RCAN2: variants seen among roughly 807,000 people sequenced by gnomAD.
The protein encoded by RCAN2 is calcipressin-2.
In RCAN2, 9 loss-of-function variants were observed where a neutral mutation model predicts 23.6. The ratio of observed to expected loss-of-function variants is 0.38; its 90% CI spans 0.23 to 0.67. The LOEUF is 0.67. Ranked by LOEUF, RCAN2 falls within the 30% of genes least tolerant of loss-of-function variation. RCAN2 has a pLI of 0.51. For synonymous variants in RCAN2, 109 were observed against 115.7 expected (o/e 0.94, Z 0.37); for missense variants, 273 against 302.3 (o/e 0.90, Z 0.72).
chr6:46,472,573 G>A (rs1327548579), intron 1 of RCAN2, among the ~76,000 whole-genome samples: 2 of 152,078 alleles, frequency 1.3e-5, no homozygotes, highest in Non-Finnish European at 1.5e-5. Context: ...CCCCCATGAT[G>A]CTGTCTTTCT....
At chr6:46,349,325 A>G (rs1321189087) in intron 2 of RCAN2, among the ~76,000 whole-genome samples, 1 of 152,142 alleles carries the variant, frequency 6.6e-6, no homozygotes, top group Non-Finnish European at 1.5e-5. Flanking sequence ...AAACCACCGC[A>G]TGTTCTCACT....
At chr6:46,363,647 G>T (rs1765081308) in intron 2 of RCAN2, among the ~76,000 whole-genome samples, 1 of 152,010 alleles carries the variant, frequency 6.6e-6, no homozygotes, top group Non-Finnish European at 1.5e-5. Context: ...GAAATGAAAT[G>T]AATTACTTAG....
At chr6:46,271,361 T>G (rs1294287771) in intron 2 of RCAN2, among the ~76,000 whole-genome samples, 1 of 152,174 alleles carries the variant, frequency 6.6e-6, no homozygotes, top group Non-Finnish European at 1.5e-5. Context: ...TATTAAGGCC[T>G]TCAACTGATT....
Position 46,274,550 on chromosome 6 carries a change from C to T in RCAN2, c.226-25654G>A, listed in dbSNP as rs549714159. On this transcript the variant is annotated intron_variant, in intron 2 of 4. Transcript: ENST00000371374. ...TGGGCTCTGCATCCCCCCGCCCCAT[C>T]TTGGTCACAACCTTCAAAGGGTGGT... Among the ~76,000 whole-genome samples, 10 of 152,324 alleles carry T rather than the reference C, an allele frequency of 6.6e-5. No homozygotes were observed. The South Asian group carries it at 8.3e-4, about 13-fold the overall frequency.
chr6:46,420,692 CA>C (rs1766861635), intron 2 of RCAN2, among the ~76,000 whole-genome samples: 1 of 151,858 alleles, frequency 6.6e-6, no homozygotes, highest in Non-Finnish European at 1.5e-5. Context: ...TACAGGTACC[CA>C]CCATCAGGCC....
At chr6:46,233,390 C>T (rs1262394696) in intron 4 of RCAN2, among the ~76,000 whole-genome samples, 1 of 152,144 alleles carries the variant, frequency 6.6e-6, no homozygotes, top group Non-Finnish European at 1.5e-5. Flanking sequence ...TAAGTTCTTA[C>T]ATTTGCAGGG....
intron 1 of RCAN2, among the ~76,000 whole-genome samples, chr6:46,480,348 T>C (rs1199125418): frequency 1.3e-5 from 2 of 152,200 alleles, no homozygotes; most frequent in African/African-American, 4.8e-5. Flanking sequence ...AGGTCCTCAA[T>C]AAATATCCAC....
At chr6:46,392,093 A>G (rs896345946) in intron 2 of RCAN2, among the ~76,000 whole-genome samples, 1 of 152,318 alleles carries the variant, frequency 6.6e-6, no homozygotes, top group South Asian at 2.1e-4. Context: ...ATAGGCAACC[A>G]TATGCTTCTC....
At chr6:46,342,931 A>G (rs144530246) in intron 2 of RCAN2, among the ~76,000 whole-genome samples, 1 of 152,212 alleles carries the variant, frequency 6.6e-6, no homozygotes, top group Admixed American at 6.5e-5. Context: ...AATATAAAGT[A>G]TTCTAAATAT....
chr6:46,253,149 T>C (rs946785824), intron 2 of RCAN2, among the ~76,000 whole-genome samples: 8 of 152,374 alleles, frequency 5.3e-5, no homozygotes, highest in Non-Finnish European at 1.0e-4. Flanking sequence ...ATTAATACTA[T>C]AGTTTGGTGC....
intron 2 of RCAN2, among the ~76,000 whole-genome samples, chr6:46,399,953 T>C (rs1766203054): frequency 6.6e-6 from 1 of 152,212 alleles, no homozygotes; most frequent in Non-Finnish European, 1.5e-5. Flanking sequence ...AAGTGAACTT[T>C]CCTGCACACA....
chr6:46,258,859 A>G (rs563760785), intron 2 of RCAN2, among the ~76,000 whole-genome samples: 1 of 152,330 alleles, frequency 6.6e-6, no homozygotes, highest in South Asian at 2.1e-4. Context: ...AACAAACAAA[A>G]TAACCCAAAC....
At chr6:46,477,346 G>T (rs1017986611) in intron 1 of RCAN2, among the ~76,000 whole-genome samples, 1 of 152,140 alleles carries the variant, frequency 6.6e-6, no homozygotes, top group Non-Finnish European at 1.5e-5. Flanking sequence ...TTATAAAAAT[G>T]ATAAAATTGA....
At chr6:46,413,134 G>T (rs1766594026) in intron 2 of RCAN2, among the ~76,000 whole-genome samples, 1 of 152,126 alleles carries the variant, frequency 6.6e-6, no homozygotes, top group Non-Finnish European at 1.5e-5. Context: ...GATACCCACA[G>T]GAATTCTTAA....
intron 2 of RCAN2, chr6:46,325,648 G>C: frequency 7.1e-7 from 1 of 1,418,384 alleles, no homozygotes; most frequent in Non-Finnish European, 9.2e-7. Context: ...AGCCCTCCGC[G>C]TCTGAGGCAG....
intron 2 of RCAN2, among the ~76,000 whole-genome samples, chr6:46,447,373 G>C (rs148712120): frequency 2.6e-5 from 4 of 151,908 alleles, no homozygotes; most frequent in African/African-American, 9.6e-5. Context: ...AGAATAGAGA[G>C]AGAGACTGTA....
intron 2 of RCAN2, among the ~76,000 whole-genome samples, chr6:46,253,820 A>G (rs1464668102): frequency 6.6e-6 from 1 of 152,232 alleles, no homozygotes; most frequent in Non-Finnish European, 1.5e-5. Context: ...TTCTATGATT[A>G]GATATATTGA....
At chr6:46,327,246 C>G (rs57387297) in intron 2 of RCAN2, among the ~76,000 whole-genome samples, 4,491 of 152,194 alleles carry the variant, frequency 0.03, 230 homozygotes, top group African/African-American at 0.1. Flanking sequence ...GGAGAAAGAG[C>G]AATGAATGCT....
intron 2 of RCAN2, among the ~76,000 whole-genome samples, chr6:46,293,202 T>C (rs940594414): frequency 6.6e-6 from 1 of 152,240 alleles, no homozygotes; most frequent in Non-Finnish European, 1.5e-5. Flanking sequence ...CATGTGTCTT[T>C]ATAGTAGAAT....
Sources: gnomAD v4.1 joint callset for allele counts (sites outside exome capture counted in the v4.1 genomes callset) on GRCh38, gnomAD v4.1.1 for gene constraint, MANE v1.5 for transcripts, NCBI Gene and HGNC (gene_info 2026-07-23, HGNC 2026-07-21) for gene names.